SMARCA2: variants seen among roughly 807,000 people sequenced by gnomAD.
SMARCA2 encodes the protein SWI/SNF-related matrix-associated actin-dependent regulator of chromatin subfamily A member 2.
In SMARCA2, 61 loss-of-function variants were observed where a neutral mutation model predicts 199.8. The observed-to-expected ratio is 0.31, with a 90% CI of 0.25 to 0.38. SMARCA2 has a LOEUF of 0.38. SMARCA2 is among the 10% of genes least tolerant of loss of function. The pLI is 1.00. For missense variants in SMARCA2, 1,344 were observed against 2,012.2 expected, an observed-to-expected ratio of 0.67 and a Z score of 6.35; for synonymous variants, 935 against 732.0, an observed-to-expected ratio of 1.28 and a Z score of -4.48.
At chr9:2,050,088 T>C (rs1820049874) in intron 5 of SMARCA2, among the ~76,000 whole-genome samples, 1 of 152,208 alleles carries the variant, frequency 6.6e-6, no homozygotes, top group Non-Finnish European at 1.5e-5. Flanking sequence ...TTAAGTCAGT[T>C]GGCTGCTTTT....
intron 1 of SMARCA2, among the ~76,000 whole-genome samples, chr9:2,021,345 A>C (rs935800227): frequency 1.3e-5 from 2 of 152,250 alleles, no homozygotes; most frequent in Admixed American, 6.5e-5. Context: ...ATTCAAAATT[A>C]CTTAAAAATG....
intron 27 of SMARCA2, among the ~76,000 whole-genome samples, chr9:2,137,944 G>A (rs1824281234): frequency 6.6e-6 from 1 of 152,178 alleles, no homozygotes; most frequent in South Asian, 2.1e-4. Flanking sequence ...GTGACTTCAT[G>A]TAAAGATTTC....
intron 9 of SMARCA2, among the ~76,000 whole-genome samples, chr9:2,062,029 CTG>C (rs1820614800): frequency 6.6e-6 from 1 of 152,100 alleles, no homozygotes; most frequent in African/African-American, 2.4e-5. Context: ...GCATTATAGA[CTG>C]TGCAAAACTC....
chr9:2,146,849 C>CGTGTTTTCCTCTCT (rs1824774219), intron 27 of SMARCA2, among the ~76,000 whole-genome samples: 1 of 152,118 alleles, frequency 6.6e-6, no homozygotes, highest in East Asian at 1.9e-4. Context: ...ACTCTCATCA[C>CGTGTTTTCCTCTCT]CATCTTGGTT....
chr9:2,041,201 C>A (rs972420085), intron 4 of SMARCA2: 4 of 396,438 alleles, frequency 1.0e-5, no homozygotes, highest in African/African-American at 2.1e-5. Flanking sequence ...CAAGAGTAGG[C>A]CTACCTAAGA....
At chr9:2,157,835 G>T (rs1276709331) in intron 27 of SMARCA2, 9 of 398,350 alleles carry the variant, frequency 2.3e-5, no homozygotes, top group Non-Finnish European at 4.0e-5. Flanking sequence ...GGGTTGAGAA[G>T]AAGGCGCCTG....
At chr9:2,026,044 C>G (rs1041766010) in intron 1 of SMARCA2, among the ~76,000 whole-genome samples, 2 of 152,138 alleles carry the variant, frequency 1.3e-5, no homozygotes, top group African/African-American at 4.8e-5. Flanking sequence ...TGAGATACTC[C>G]TATCCTGAGC....
At chr9:2,186,998 C>A (rs1003825812) in intron 32 of SMARCA2, among the ~76,000 whole-genome samples, 2 of 152,144 alleles carry the variant, frequency 1.3e-5, no homozygotes, top group Non-Finnish European at 2.9e-5. Context: ...CCTGAGAATC[C>A]GTATTTCTGG....
rs1172250952 is a variant in SMARCA2, at chr9:2,103,659, T to TGAGA, written c.3126-343_3126-342insAGAG. Among the ~76,000 whole-genome samples, 990 of 143,764 alleles carry TGAGA rather than the reference T, an allele frequency of 6.9e-3. 9 individuals are homozygous for TGAGA. Among genetic ancestry groups the TGAGA allele is most frequent in the African/African-American group, 0.026 (889 of 34,434 alleles). 94.3% of individuals were successfully genotyped at this position (143,764 alleles called of 152,430 possible). ...GTGTGTGTACGTGTGTGTGTGTGTG[T>TGAGA]GTGAGAGAGAGAGAGAGAGAGAGAG... On this transcript the variant is annotated intron_variant, in intron 22 of 33. Coordinates refer to ENST00000349721, the MANE Select transcript of SMARCA2 (RefSeq NM_003070.5).
At chr9:2,178,861 A>C (rs1826809284) in intron 29 of SMARCA2, among the ~76,000 whole-genome samples, 1 of 152,204 alleles carries the variant, frequency 6.6e-6, no homozygotes, top group Admixed American at 6.5e-5. Context: ...GAAGCTGGCC[A>C]TCCAATCCCT....
chr9:2,177,813 A>G (rs1826722154), intron 29 of SMARCA2, among the ~76,000 whole-genome samples: 1 of 152,134 alleles, frequency 6.6e-6, no homozygotes, highest in African/African-American at 2.4e-5. Context: ...CTGCCTCCCA[A>G]AGTGCTGGGA....
At chr9:2,082,350 T>TGA (rs59805792) in intron 15 of SMARCA2, among the ~76,000 whole-genome samples, 27,621 of 140,370 alleles carry the variant, frequency 0.2, 2,979 homozygotes, top group African/African-American at 0.22. Flanking sequence ...TGTGTGTGTG[T>TGA]GATTTCTTTG....
intron 3 of SMARCA2, 95 bp downstream of exon 3, chr9:2,033,176 C>G: frequency 2.1e-6 from 3 of 1,421,770 alleles, no homozygotes; most frequent in Non-Finnish European, 2.9e-6. Context: ...AAGAATGTGT[C>G]TAAGGAAGGT....
chr9:2,155,673 T>C (rs1235969389), intron 27 of SMARCA2, among the ~76,000 whole-genome samples: 3 of 148,540 alleles, frequency 2.0e-5, no homozygotes, highest in Non-Finnish European at 4.5e-5. Context: ...CCTTTTCCCT[T>C]CGTCACCCAC....
intron 27 of SMARCA2, among the ~76,000 whole-genome samples, chr9:2,149,597 T>A (rs1322276156): frequency 6.6e-6 from 1 of 151,588 alleles, no homozygotes; most frequent in African/African-American, 2.4e-5. Context: ...GAGAACAGTG[T>A]GAGGGAAACC....
At chr9:2,076,509 T>A (rs1821330351) in intron 13 of SMARCA2, among the ~76,000 whole-genome samples, 180 bp downstream of exon 13, 1 of 151,292 alleles carries the variant, frequency 6.6e-6, no homozygotes. Context: ...TTCGTGTTGA[T>A]TCTCCATCCC....
In SMARCA2 at chr9:2,123,154, C is replaced by T. The variant is rs533445215; in HGVS notation, c.3763-565C>T. ...TGAGGTATTGAAAAGTTAGTATATTCATGGCCAATGGACCAGTGAAACCAT... is the reference window on the plus strand; with the variant it reads ...TGAGGTATTGAAAAGTTAGTATATTTATGGCCAATGGACCAGTGAAACCAT... On this transcript the variant is annotated intron_variant, in intron 26 of 33. Coordinates refer to ENST00000349721, the MANE Select transcript of SMARCA2 (RefSeq NM_003070.5). The surrounding 1 kb of genome is among the most constrained non-coding windows in gnomAD (Gnocchi z 4.1). Among the ~76,000 whole-genome samples, 1 of 152,310 alleles carries T rather than the reference C, an allele frequency of 6.6e-6. No homozygotes were observed. The highest frequency in any genetic ancestry group is 2.1e-4 in the South Asian group (1 of 4,830).
chr9:2,054,752 A>C, intron 6 of SMARCA2, 29 bp downstream of exon 6: 1 of 1,611,676 alleles, frequency 6.2e-7, no homozygotes, highest in Non-Finnish European at 8.5e-7. Context: ...TGAATCTGAG[A>C]TGTAGGAAAT....
rs763214741 is a variant in SMARCA2 at position 2,161,989 on chromosome 9, C to T, written c.4199+86C>T. The T allele has an allele frequency of 9.2e-7, 1 of 1,081,838 alleles. No homozygotes were observed. The allele number at this position is 1,081,838 out of a possible 1,614,324, so 67.0% of individuals were successfully genotyped here. A position where few individuals can be genotyped will look rare whatever the true frequency, so the allele number is the denominator to read the frequency against. ...GAGGAGCAGGAGTTGTTAAGTTGTGCACTTAGGTTTTATTAAGGTTCTTTC... is the reference window on the plus strand; with the variant it reads ...GAGGAGCAGGAGTTGTTAAGTTGTGTACTTAGGTTTTATTAAGGTTCTTTC... On this transcript the variant is annotated intron_variant, in intron 28 of 33. Transcript: ENST00000349721. This position sits in a 1 kb window ranked among gnomAD's most constrained non-coding sequence, Gnocchi z 4.7.
Sources: gnomAD v4.1 joint callset for allele counts (sites outside exome capture counted in the v4.1 genomes callset) on GRCh38, gnomAD v4.1.1 for gene constraint, Gnocchi (gnomAD v3.1) non-coding constraint, MANE v1.5 for transcripts, NCBI Gene and HGNC (gene_info 2026-07-23, HGNC 2026-07-21) for gene names.